Variants in NFIA observed in about 807,000 individuals in gnomAD.
The protein encoded by NFIA is nuclear factor 1 A-type.
Under a neutral mutation model 62.8 loss-of-function variants are expected in NFIA, and 8 were observed. The observed-to-expected ratio is 0.13, with a 90% CI of 0.07 to 0.23. The LOEUF (loss-of-function observed/expected upper bound fraction) is 0.23, where lower values mean the gene tolerates loss of function less well. Among genes scored for constraint, NFIA ranks in the 10% least tolerant of loss-of-function variants. The pLI is 1.00. For missense variants in NFIA, 410 were observed against 642.1 expected (o/e 0.64, Z 3.91); for synonymous variants, 235 against 238.1 (o/e 0.99, Z 0.12).
At chr1:61,110,947 A>C (rs1204333597) in intron 2 of NFIA, among the ~76,000 whole-genome samples, 1 of 152,152 alleles carries the variant, frequency 6.6e-6, no homozygotes, top group African/African-American at 2.4e-5. Flanking sequence ...TAGTCTGTTG[A>C]AACTTACAAG....
At chr1:61,351,194 T>A (rs929518013) in intron 4 of NFIA, among the ~76,000 whole-genome samples, 5 of 152,242 alleles carry the variant, frequency 3.3e-5, no homozygotes, top group African/African-American at 1.2e-4. Context: ...AGCCTCATTG[T>A]AAGTTGAGCA....
chr1:61,231,887 CAAG>C (rs1364469738), intron 2 of NFIA, among the ~76,000 whole-genome samples: 17 of 151,476 alleles, frequency 1.1e-4, no homozygotes, highest in African/African-American at 3.2e-4. Flanking sequence ...AAAAACAAAA[CAAG>C]AAATAATACA....
chr1:61,368,004 G>A (rs562571001), intron 6 of NFIA, among the ~76,000 whole-genome samples: 3 of 152,328 alleles, frequency 2.0e-5, no homozygotes, highest in Admixed American at 6.5e-5. Flanking sequence ...GAAGCAGAGC[G>A]ATGTATACGT....
intron 3 of NFIA, among the ~76,000 whole-genome samples, chr1:61,282,643 C>T (rs1557680727): frequency 1.3e-5 from 2 of 152,194 alleles, no homozygotes; most frequent in South Asian, 2.1e-4. Context: ...TATAGGCCAG[C>T]GTTGGCACTC....
chr1:61,461,675 G>A lies in NFIA; in HGVS notation c.*6355G>A, dbSNP rs1336720575. 4 of 152,166 alleles carry A rather than the reference G, an allele frequency of 2.6e-5. No individual in the cohort carries two copies. Among genetic ancestry groups the A allele is most frequent in the African/African-American group, 9.7e-5 (4 of 41,440 alleles). 9.4% of individuals were successfully genotyped at this position (152,166 alleles called of 1,614,324 possible). A position where few individuals can be genotyped will look rare whatever the true frequency, so the allele number is the denominator to read the frequency against. ...GGGTGGGACCTCATCTGTGTGCCTGGTATCCTGAGTTTTACATGTAGATGC... is the reference window on the plus strand; with the variant it reads ...GGGTGGGACCTCATCTGTGTGCCTGATATCCTGAGTTTTACATGTAGATGC... On this transcript the variant is annotated 3_prime_UTR_variant, in exon 11 of 11. Coordinates refer to ENST00000403491, the MANE Select transcript of NFIA (RefSeq NM_001134673.4).
chr1:61,331,530 G>A (rs979690571), intron 3 of NFIA, among the ~76,000 whole-genome samples: 3 of 152,040 alleles, frequency 2.0e-5, no homozygotes, highest in African/African-American at 7.2e-5. Flanking sequence ...TTTTCTCAAG[G>A]TATGTTTCTT....
intron 6 of NFIA, among the ~76,000 whole-genome samples, chr1:61,360,126 G>A (rs6587918): frequency 0.83 from 125,767 of 152,138 alleles, 52,093 homozygotes; most frequent in East Asian, 0.95. Flanking sequence ...TCTTTATTCT[G>A]ATCTGTACTA....
At chr1:61,397,976 A>T (rs1341156868) in intron 7 of NFIA, among the ~76,000 whole-genome samples, 1 of 152,212 alleles carries the variant, frequency 6.6e-6, no homozygotes, top group African/African-American at 2.4e-5. Flanking sequence ...CAGAAAGCTG[A>T]GGTGGAATTG....
chr1:61,256,387 G>GAT (rs978997691), intron 2 of NFIA, among the ~76,000 whole-genome samples: 25 of 139,338 alleles, frequency 1.8e-4, no homozygotes, highest in African/African-American at 6.8e-4. Context: ...AGTGAGCCAA[G>GAT]ATCGCACCTC....
intron 7 of NFIA, among the ~76,000 whole-genome samples, chr1:61,390,577 A>G (rs1048475071): frequency 5.3e-5 from 8 of 152,202 alleles, no homozygotes; most frequent in African/African-American, 1.7e-4. Context: ...TGAAGGTCTG[A>G]AGTTAACAAT....
chr1:61,208,389 C>T (rs779598581), intron 2 of NFIA, among the ~76,000 whole-genome samples: 3 of 152,140 alleles, frequency 2.0e-5, no homozygotes, highest in Non-Finnish European at 4.4e-5. Flanking sequence ...GTTTTAAGAG[C>T]ATGAAGAGGA....
At chr1:61,319,099 A>C (rs1042985064) in intron 3 of NFIA, among the ~76,000 whole-genome samples, 18 of 152,094 alleles carry the variant, frequency 1.2e-4, no homozygotes, top group Non-Finnish European at 1.5e-5. Context: ...GTGTACATGT[A>C]CTTCAGCCCA....
intron 2 of NFIA, among the ~76,000 whole-genome samples, chr1:61,192,197 A>T (rs1651681875): frequency 1.3e-5 from 2 of 152,086 alleles, no homozygotes; most frequent in Non-Finnish European, 2.9e-5. Flanking sequence ...TGACCTTGTA[A>T]TCCGCCCGCC....
chr1:61,209,594 C>T (rs1356695262), intron 2 of NFIA, among the ~76,000 whole-genome samples: 2 of 151,888 alleles, frequency 1.3e-5, no homozygotes, highest in East Asian at 3.9e-4. Context: ...GAGGCTGAGG[C>T]GGGTGGATCA....
At chr1:61,191,787 T>C (rs149106995) in intron 2 of NFIA, among the ~76,000 whole-genome samples, 53 of 152,214 alleles carry the variant, frequency 3.5e-4, no homozygotes, top group African/African-American at 1.3e-3. Context: ...CCCACAGATA[T>C]TGGTAAATTA....
intron 2 of NFIA, among the ~76,000 whole-genome samples, chr1:61,134,680 C>G (rs761371739): frequency 2.0e-5 from 3 of 152,036 alleles, no homozygotes; most frequent in Admixed American, 6.6e-5. Context: ...AAGTCTGTGT[C>G]GTAGAATTAG....
intron 3 of NFIA, among the ~76,000 whole-genome samples, chr1:61,332,292 A>T (rs1485522853): frequency 6.6e-6 from 1 of 152,206 alleles, no homozygotes; most frequent in Non-Finnish European, 1.5e-5. Context: ...TTCAAAAATC[A>T]GCTAGTTGTT....
intron 7 of NFIA, among the ~76,000 whole-genome samples, chr1:61,394,623 A>G (rs1183320104): frequency 2.0e-5 from 3 of 152,220 alleles, no homozygotes; most frequent in South Asian, 4.1e-4. Flanking sequence ...ACACTAAGGA[A>G]TATAGGAGGC....
Position 61,082,708 on chromosome 1 carries a change from C to T in NFIA, c.-84C>T. 1.9e-6 allele frequency: 3 copies of T among 1,547,846 alleles called. No homozygotes were observed. Among genetic ancestry groups the T allele is most frequent in the East Asian group, 2.5e-5 (1 of 40,554 alleles). ...TCTCTCTCTCTCTCTTCCTCTCTCC[C>T]TCTTTCTCCTCTCTCACCCACACTC... On this transcript the variant is annotated 5_prime_UTR_variant, in exon 1 of 11. Transcript: ENST00000403491.
Sources: gnomAD v4.1 joint callset for allele counts (sites outside exome capture counted in the v4.1 genomes callset) on GRCh38, gnomAD v4.1.1 for gene constraint, MANE v1.5 for transcripts, NCBI Gene and HGNC (gene_info 2026-07-23, HGNC 2026-07-21) for gene names.